LCT: variants seen among roughly 807,000 people sequenced by gnomAD.
LCT encodes lactase/phlorizin hydrolase.
Under a neutral mutation model 173.0 loss-of-function variants are expected in LCT, and 90 were observed. The ratio of observed to expected loss-of-function variants is 0.52; its 90% confidence interval spans 0.44 to 0.62. The LOEUF (loss-of-function observed/expected upper bound fraction) is 0.62, where lower values mean the gene tolerates loss of function less well. LCT is among the 20% of genes least tolerant of loss of function. LCT has a pLI of 0.00. For synonymous variants in LCT, 853 were observed against 957.6 expected, an observed-to-expected ratio of 0.89 and a Z score of 2.02; for missense variants, 1,864 against 2,431.4, an observed-to-expected ratio of 0.77 and a Z score of 4.91.
chr2:135,818,169 ACT>A, intron 5 of LCT, 108 bp from the exon 6 acceptor site: 2 of 1,367,078 alleles, frequency 1.5e-6, no homozygotes, highest in Non-Finnish European at 2.1e-6. Context: ...TTCCAGAAAC[ACT>A]GAGTCAAAAG....
chr2:135,826,796 G>A (rs1173378775), intron 3 of LCT, among the ~76,000 whole-genome samples: 1 of 152,104 alleles, frequency 6.6e-6, no homozygotes, highest in Non-Finnish European at 1.5e-5. Context: ...AGCAGACCTC[G>A]AAGACCCTAG....
Position 135,817,567 on chromosome 2 carries a change from G to T in LCT, c.1481C>A (p.Thr494Lys), listed in dbSNP as rs1558741351. Residue 494 changes from threonine (T) to lysine (K), a missense_variant, in exon 6 of 17, where the codon ACG becomes AAG. By Grantham distance (78) the Thr-to-Lys change is moderately conservative. Around this residue, in one of 4 missense-constraint regions of LCT, gnomAD observed 183 missense variants for 293.1 expected, o/e 0.62. Coordinates refer to ENST00000264162, the MANE Select transcript of LCT (RefSeq NM_002299.4). ...CTGAGGCAGGTCCCAGTGGAACAGC[G>T]TGGCCATGGGCTCGATGCCCGCATC... ...LQDAGIEPMA[T>K]LFHWDLPQAL... The T allele has an allele frequency of 6.2e-7, 1 of 1,614,040 alleles. No individual in the cohort carries two copies. The highest frequency in any genetic ancestry group is 1.3e-5 in the African/African-American group (1 of 74,940).
Position 135,798,086 on chromosome 2 carries a change from T to A in LCT, c.4919A>T (p.Glu1640Val). ...GTCACGGATCCGCGTCTTCATCACC[T>A]CATTGTAATCTCCATTCTTGAAAAT... Reference protein sequence around the residue: ...HPIFKNGDYNEVMKTRIRDRS... With the variant: ...HPIFKNGDYNVVMKTRIRDRS... Residue 1640 changes from glutamate (E) to valine (V), a missense_variant, in exon 13 of 17, where the codon GAG becomes GTG. Around this residue, in one of 4 missense-constraint regions of LCT, gnomAD observed 514 missense variants for 750.1 expected, o/e 0.69. Coordinates refer to ENST00000264162, the MANE Select transcript of LCT (RefSeq NM_002299.4). 6.2e-7 allele frequency: 1 copy of A among 1,613,334 alleles called. No homozygotes were observed. Among genetic ancestry groups the A allele is most frequent in the Non-Finnish European group, 8.5e-7 (1 of 1,179,336 alleles).
intron 12 of LCT, among the ~76,000 whole-genome samples, chr2:135,799,480 T>C (rs111372268): frequency 1.4e-5 from 2 of 138,388 alleles, no homozygotes; most frequent in East Asian, 4.0e-4. Context: ...ACCTGCTTCC[T>C]TTTTTTTTTT....
intron 6 of LCT, 31 bp downstream of exon 6, chr2:135,817,310 A>C: frequency 6.2e-7 from 1 of 1,606,810 alleles, no homozygotes; most frequent in Non-Finnish European, 8.5e-7. Flanking sequence ...TTTCTCCTCC[A>C]ATTAGTAGGA....
At chr2:135,813,163 T>A (rs1311324529) in intron 6 of LCT, among the ~76,000 whole-genome samples, 2 of 152,228 alleles carry the variant, frequency 1.3e-5, no homozygotes, top group African/African-American at 2.4e-5. Context: ...ACATCAATGA[T>A]GTTAACAAGT....
At chr2:135,814,433 G>C (rs2077762703) in intron 6 of LCT, among the ~76,000 whole-genome samples, 1 of 152,100 alleles carries the variant, frequency 6.6e-6, no homozygotes, top group Admixed American at 6.6e-5. Flanking sequence ...CAAGTAAACA[G>C]TGAGCAACAA....
rs2236783 is a variant in LCT, at chr2:135,836,588, G to A, written c.582C>T (p.Thr194=). Residue 194 remains threonine (T), a synonymous_variant, in exon 1 of 17, where the codon ACC becomes ACT. Coordinates refer to ENST00000264162, the MANE Select transcript of LCT (RefSeq NM_002299.4). ...AGGCTTTTCTGTGGGCATCACTGAGGGTCTGGAGTTGTGACGCTCTTGATT... is the reference window on the plus strand; with the variant it reads ...AGGCTTTTCTGTGGGCATCACTGAGAGTCTGGAGTTGTGACGCTCTTGATT... ...HQESRASQLQ[T]LSDAHRKAYE... is the part of the protein sequence containing the mutation. 0.67 allele frequency: 1,083,429 copies of A among 1,613,296 alleles called. 393,877 individuals carry two copies. The highest frequency in any genetic ancestry group is 0.76 in the Non-Finnish European group (894,367 of 1,179,486).
intron 3 of LCT, among the ~76,000 whole-genome samples, chr2:135,826,324 G>T (rs561347507): frequency 6.6e-6 from 1 of 151,646 alleles, no homozygotes; most frequent in African/African-American, 2.4e-5. Flanking sequence ...GAGGTCGAGG[G>T]GGGTGGTGGA....
intron 3 of LCT, among the ~76,000 whole-genome samples, chr2:135,826,082 G>A (rs371163127): frequency 2.0e-5 from 3 of 152,182 alleles, no homozygotes; most frequent in Non-Finnish European, 4.4e-5. Flanking sequence ...TGTCATTTCC[G>A]AATCTTTGAG....
At chr2:135,794,591 C>A (rs1016080944) in intron 14 of LCT, 50 bp downstream of exon 14, 8 of 1,603,666 alleles carry the variant, frequency 5.0e-6, no homozygotes, top group Non-Finnish European at 6.8e-6. Context: ...CCAAGGGCAC[C>A]TTTCTGCCTT....
At chr2:135,830,231 C>T (rs1238578053) in intron 2 of LCT, among the ~76,000 whole-genome samples, 2 of 152,162 alleles carry the variant, frequency 1.3e-5, no homozygotes, top group Admixed American at 6.5e-5. Context: ...CTGGGGACTT[C>T]CTCTTTAGCA....
At chr2:135,788,588 T>C in intron 16 of LCT, 44 bp from the exon 17 acceptor site, 2 of 1,255,794 alleles carry the variant, frequency 1.6e-6, no homozygotes, top group Non-Finnish European at 2.3e-6. Context: ...TGGCGCTGAT[T>C]TGAGTTCTCA....
rs55900419 is a variant in LCT at position 135,835,482 on chromosome 2, GTATATATATATA to G, written c.640+1036_640+1047del. ...TAAAATGAAAAAGTAGAACATAGAA[GTATATATATATA>G]TATATATATATATATATATATATAT... On this transcript the variant is annotated intron_variant, in intron 1 of 16. Coordinates refer to ENST00000264162, the MANE Select transcript of LCT (RefSeq NM_002299.4). Among the ~76,000 whole-genome samples the G allele has an allele frequency of 1.8e-3, 119 of 67,956 alleles. 1 individual carries two copies. Among genetic ancestry groups the G allele is most frequent in the African/African-American group, 2.1e-3 (55 of 25,800 alleles). 44.6% of individuals were successfully genotyped at this position (67,956 alleles called of 152,430 possible).
At chr2:135,811,359 T>C (rs958452417) in intron 7 of LCT, among the ~76,000 whole-genome samples, 2 of 152,130 alleles carry the variant, frequency 1.3e-5, no homozygotes, top group Non-Finnish European at 2.9e-5. Context: ...TGTAATTAAG[T>C]TAATGAGCTC....
intron 11 of LCT, among the ~76,000 whole-genome samples, chr2:135,802,625 C>T (rs527971517): frequency 1.3e-5 from 2 of 152,272 alleles, no homozygotes; most frequent in South Asian, 4.1e-4. Flanking sequence ...AAGGCAAATA[C>T]TGCATGTTCT....
At position 135,817,712 on chromosome 2, in the gene LCT, G is replaced by A; in HGVS notation, c.1336C>T (p.Leu446Phe). 6.2e-7 allele frequency: 1 copy of A among 1,614,030 alleles called. No homozygotes were observed. The highest frequency in any genetic ancestry group is 8.5e-7 in the Non-Finnish European group (1 of 1,180,046). ...VASDVALLCG[L>F]RAQVYKFSIS... ...GAGAACTTGTACACCTGAGCCCGGA[G>A]GCCGCAAAGCAGGGCGACGTCAGAG... Residue 446 changes from leucine to phenylalanine, a missense_variant, in exon 6 of 17, where the codon CTC (leucine) becomes TTC (phenylalanine). Transcript: ENST00000264162.
At chr2:135,835,830 A>T (rs549928804) in intron 1 of LCT, among the ~76,000 whole-genome samples, 2 of 150,832 alleles carry the variant, frequency 1.3e-5, no homozygotes, top group East Asian at 3.9e-4. Flanking sequence ...ATGTAAGTAT[A>T]GGGGAGCCGA....
intron 12 of LCT, among the ~76,000 whole-genome samples, chr2:135,798,356 C>T (rs1221591459): frequency 6.6e-6 from 1 of 152,204 alleles, no homozygotes; most frequent in Non-Finnish European, 1.5e-5. Flanking sequence ...GCACTGAGGA[C>T]AGGGCCACCT....
Sources: gnomAD v4.1 joint callset for allele counts (sites outside exome capture counted in the v4.1 genomes callset) on GRCh38, gnomAD v4.1.1 for gene constraint, gnomAD v4.1.1 regional missense constraint, MANE v1.5 for transcripts, NCBI Gene and HGNC (gene_info 2026-07-23, HGNC 2026-07-21) for gene names.